Variants in SAP130 observed in about 807,000 individuals in gnomAD.
SAP130 encodes histone deacetylase complex subunit SAP130.
SAP130 carries 16 observed loss-of-function variants against 103.2 expected under a neutral mutation model. That is an observed-to-expected ratio of 0.16 (90% confidence interval 0.10 to 0.24). SAP130 has a LOEUF of 0.24. Ranked by LOEUF, SAP130 falls within the 10% of genes least tolerant of loss-of-function variation. The pLI is 1.00. For missense variants in SAP130, 990 were observed against 1,359.7 expected, an observed-to-expected ratio of 0.73 and a Z score of 4.28; for synonymous variants, 477 against 497.0, an observed-to-expected ratio of 0.96 and a Z score of 0.53.
chr2:127,975,892 T>A (rs909453710), intron 15 of SAP130, among the ~76,000 whole-genome samples: 1 of 152,210 alleles, frequency 6.6e-6, no homozygotes, highest in South Asian at 2.1e-4. Context: ...TCACCCAGGC[T>A]GGAGTGCAGT....
At chr2:128,027,348 G>A in intron 1 of SAP130, 3 of 1,120,326 alleles carry the variant, frequency 2.7e-6, no homozygotes, top group Non-Finnish European at 3.3e-6. Flanking sequence ...CACGCCCGAC[G>A]CGTCAGTGGA....
At chr2:127,946,259 G>A (rs1438571464) in intron 18 of SAP130, among the ~76,000 whole-genome samples, 1 of 152,180 alleles carries the variant, frequency 6.6e-6, no homozygotes, top group Non-Finnish European at 1.5e-5. Flanking sequence ...TAACAGTGGA[G>A]GCTGTGGCAA....
At chr2:128,020,396 G>A (rs923054527) in intron 2 of SAP130, among the ~76,000 whole-genome samples, 2 of 152,090 alleles carry the variant, frequency 1.3e-5, no homozygotes, top group Admixed American at 6.5e-5. Context: ...TTAACTTTAC[G>A]TAAACAGACT....
At chr2:128,024,150 C>A (rs906971323) in intron 2 of SAP130, among the ~76,000 whole-genome samples, 1 of 152,074 alleles carries the variant, frequency 6.6e-6, no homozygotes, top group Non-Finnish European at 1.5e-5. Flanking sequence ...AAAGTCACTT[C>A]AAGTCTAAAG....
chr2:127,980,607 C>T (rs1006111460), intron 14 of SAP130, among the ~76,000 whole-genome samples: 5 of 152,108 alleles, frequency 3.3e-5, no homozygotes, highest in African/African-American at 9.7e-5. Context: ...CCCAAATAAC[C>T]ATGGATAAAA....
chr2:127,969,244 A>G (rs1472305296), intron 15 of SAP130, among the ~76,000 whole-genome samples: 4 of 152,220 alleles, frequency 2.6e-5, no homozygotes, highest in African/African-American at 9.7e-5. Flanking sequence ...ATGTAGTTGA[A>G]TAATTAGCAA....
At chr2:128,021,363 C>A (rs767027548) in intron 2 of SAP130, among the ~76,000 whole-genome samples, 8 of 150,686 alleles carry the variant, frequency 5.3e-5, no homozygotes, top group Non-Finnish European at 8.9e-5. Context: ...AGCAGAATTG[C>A]TTGAACCCGG....
chr2:128,020,360 C>CT, intron 2 of SAP130, among the ~76,000 whole-genome samples: 1 of 152,300 alleles, frequency 6.6e-6, no homozygotes, highest in East Asian at 1.9e-4. Flanking sequence ...TACCTTGTAA[C>CT]ACTATAGATT....
chr2:127,943,791 G>A (rs916658359), intron 19 of SAP130, among the ~76,000 whole-genome samples: 1 of 152,176 alleles, frequency 6.6e-6, no homozygotes, highest in Non-Finnish European at 1.5e-5. Context: ...GTACACTACT[G>A]TAGGCTTTAT....
At chr2:128,023,456 T>C (rs1685286674) in intron 2 of SAP130, among the ~76,000 whole-genome samples, 1 of 152,116 alleles carries the variant, frequency 6.6e-6, no homozygotes, top group Non-Finnish European at 1.5e-5. Flanking sequence ...TATTCCCCCA[T>C]AATGATGTTA....
rs765010524 is a variant in SAP130 at position 128,014,853 on chromosome 2, C to T, written c.569G>A (p.Ser190Asn). 1.1e-5 allele frequency: 18 copies of T among 1,614,016 alleles called. No individual in the cohort carries two copies. Among genetic ancestry groups the T allele is most frequent in the Admixed American group, 3.3e-5 (2 of 59,994 alleles). ...TTNVQMSIIR[S>N]NAPGPPLHIG... ...GTGAAGAGGGGGCCCAGGAGCATTG[C>T]TGCGGATGATAGACATTTGCACATT... Residue 190 changes from serine (S) to asparagine (N), a missense_variant, in exon 5 of 21, where the codon AGC becomes AAC. Coordinates refer to ENST00000643581, the MANE Select transcript of SAP130 (RefSeq NM_001330301.2).
rs752178858 is a variant in SAP130 at position 127,989,542 on chromosome 2, C to T, written c.1780+22G>A. ...GTATTTCTTTTCTCCAAACCACCTT[C>T]TATGCAAAAATTTAAAATTACCTGA... On this transcript the variant is annotated intron_variant, in intron 13 of 20. Coordinates refer to ENST00000643581, the MANE Select transcript of SAP130 (RefSeq NM_001330301.2). The surrounding 1 kb of genome is among the most constrained non-coding windows in gnomAD (Gnocchi z 4.6). The T allele has an allele frequency of 6.3e-7, 1 of 1,584,148 alleles. No homozygotes were observed. The highest frequency in any genetic ancestry group is 1.8e-5 in the Admixed American group (1 of 55,876).
Position 127,996,306 on chromosome 2 carries a change from T to C in SAP130, c.1355+44A>G, listed in dbSNP as rs757273436. On this transcript the variant is annotated intron_variant, in intron 11 of 20. Coordinates refer to ENST00000643581, the MANE Select transcript of SAP130 (RefSeq NM_001330301.2). This position sits in a 1 kb window ranked among gnomAD's most constrained non-coding sequence, Gnocchi z 4.3. ...GTTTTATGCTGATAAAGCAGAACGA[T>C]TAATGACACAGTGAGGCAGAATAAC... The C allele has an allele frequency of 1.3e-6, 2 of 1,510,752 alleles. No homozygotes were observed. Among genetic ancestry groups the C allele is most frequent in the East Asian group, 2.5e-5 (1 of 40,688 alleles). 93.6% of individuals were successfully genotyped at this position (1,510,752 alleles called of 1,614,324 possible).
intron 7 of SAP130, among the ~76,000 whole-genome samples, chr2:128,007,293 G>T (rs1166456361): frequency 6.6e-6 from 1 of 152,188 alleles, no homozygotes; most frequent in Non-Finnish European, 1.5e-5. Flanking sequence ...TGAATGAAGT[G>T]ATGTGCAGGC....
intron 15 of SAP130, among the ~76,000 whole-genome samples, chr2:127,966,538 AC>A (rs1680671447): frequency 6.6e-5 from 10 of 151,478 alleles, no homozygotes; most frequent in Admixed American, 5.9e-4. Flanking sequence ...CCCTGTCTCT[AC>A]TAAAAATACA....
chr2:128,017,194 C>A (rs375554816), intron 3 of SAP130, among the ~76,000 whole-genome samples: 22 of 152,216 alleles, frequency 1.4e-4, no homozygotes, highest in African/African-American at 5.1e-4. Context: ...TAGTGACGTG[C>A]GCCTGTAATA....
rs765048187 is a variant in SAP130 at position 128,000,451 on chromosome 2, C to A, written c.873G>T (p.Arg291Ser). The A allele has an allele frequency of 1.9e-5, 30 of 1,613,882 alleles. No homozygotes were observed. The highest frequency in any genetic ancestry group is 2.3e-5 in the Non-Finnish European group (27 of 1,179,974). Residue 291 changes from arginine to serine, a missense_variant, in exon 8 of 21, where the codon AGG becomes AGT. Coordinates refer to ENST00000643581, the MANE Select transcript of SAP130 (RefSeq NM_001330301.2). The part of the protein sequence containing the change: ...AAHATDSALS[R>S]PTLSIQHPPS... ...GAGGATGCTGGATAGACAAGGTTGGCCTACTGAAAAGATAACAAAGACACA... is the reference window on the plus strand; with the variant it reads ...GAGGATGCTGGATAGACAAGGTTGGACTACTGAAAAGATAACAAAGACACA...
Position 127,946,841 on chromosome 2 carries a change from A to G in SAP130, c.2798-1282T>C, listed in dbSNP as rs575436497. Among the ~76,000 whole-genome samples the G allele has an allele frequency of 2.0e-5, 3 of 150,946 alleles. No individual in the cohort carries two copies. In the East Asian group the frequency reaches 5.8e-4, roughly 29 times the overall value. ...GGAGGTTGCAGTGAGCTAAGATCGCACCATTGTACTGCAGCCTGGGGGACA... is the reference window on the plus strand; with the variant it reads ...GGAGGTTGCAGTGAGCTAAGATCGCGCCATTGTACTGCAGCCTGGGGGACA... On this transcript the variant is annotated intron_variant, in intron 18 of 20. Transcript: ENST00000643581.
chr2:128,010,098 G>A (rs1684277110), intron 7 of SAP130, among the ~76,000 whole-genome samples, 171 bp downstream of exon 7: 1 of 151,804 alleles, frequency 6.6e-6, no homozygotes, highest in Admixed American at 6.6e-5. Context: ...CTCTGTGTGG[G>A]CAGCAATTTC....
Sources: gnomAD v4.1 joint callset for allele counts (sites outside exome capture counted in the v4.1 genomes callset) on GRCh38, gnomAD v4.1.1 for gene constraint, Gnocchi (gnomAD v3.1) non-coding constraint, MANE v1.5 for transcripts, NCBI Gene and HGNC (gene_info 2026-07-23, HGNC 2026-07-21) for gene names.